THSD7A: variants seen among roughly 807,000 people sequenced by gnomAD.
THSD7A encodes thrombospondin type 1 domain containing 7A, also known as thrombospondin type-1 domain-containing protein 7A.
A neutral mutation model predicts 231.3 loss-of-function variants in THSD7A; 96 were observed. The observed-to-expected ratio is 0.41, with a 90% CI of 0.35 to 0.49. The LOEUF (loss-of-function observed/expected upper bound fraction) is 0.49, where lower values mean the gene tolerates loss of function less well. Among genes scored for constraint, THSD7A ranks in the 20% least tolerant of loss-of-function variants. The pLI, the probability that THSD7A is intolerant of heterozygous loss-of-function variation, is 0.05. For missense variants in THSD7A, 2,290 were observed against 2,070.2 expected (o/e 1.11, Z -2.06); for synonymous variants, 940 against 743.3 (o/e 1.26, Z -4.30).
In THSD7A at chr7:11,602,400, G is replaced by C. The variant is rs1780583865; in HGVS notation, c.1023-8898C>G. Among the ~76,000 whole-genome samples, 2 of 151,970 alleles carry C rather than the reference G, an allele frequency of 1.3e-5. 1 individual carries two copies. Among genetic ancestry groups the C allele is most frequent in the Admixed American group, 1.3e-4 (2 of 15,218 alleles). Reference sequence around the variant, plus strand: ...ATTAAGTAACTCTACTTAATACTGGGCTTCAGAAGTACAAAGATAAGATTA... The same window carrying C: ...ATTAAGTAACTCTACTTAATACTGGCCTTCAGAAGTACAAAGATAAGATTA... On this transcript the variant is annotated intron_variant, in intron 2 of 27. Coordinates refer to ENST00000423059, the MANE Select transcript of THSD7A (RefSeq NM_015204.3).
intron 1 of THSD7A, among the ~76,000 whole-genome samples, chr7:11,776,963 A>G (rs906825079): frequency 4.6e-5 from 7 of 152,130 alleles, no homozygotes; most frequent in Admixed American, 2.6e-4. Context: ...TTTAACATCA[A>G]CTGTAACCAT....
At chr7:11,522,358 A>G (rs1788302177) in intron 6 of THSD7A, among the ~76,000 whole-genome samples, 1 of 152,202 alleles carries the variant, frequency 6.6e-6, no homozygotes, top group Non-Finnish European at 1.5e-5. Flanking sequence ...AGTGGAAATC[A>G]ATATAACTTA....
rs746886582 is a variant in THSD7A, at chr7:11,424,721, C to T, written c.3358G>A (p.Glu1120Lys). 1 of 1,614,002 alleles carries T rather than the reference C, an allele frequency of 6.2e-7. No homozygotes were observed. Among genetic ancestry groups the T allele is most frequent in the Admixed American group, 1.7e-5 (1 of 60,032 alleles). Reference protein sequence around the residue: ...TFVNMRENCGEGVQTRKVRCM... With the variant: ...TFVNMRENCGKGVQTRKVRCM... ...CTCACTTTTCGGGTTTGCACGCCCTCTCCACAGTTCTCCCGCATATTCACA... is the reference window on the plus strand; with the variant it reads ...CTCACTTTTCGGGTTTGCACGCCCTTTCCACAGTTCTCCCGCATATTCACA... The change falls in exon 16 of 28, where the codon GAG becomes AAG. Residue 1120 changes from glutamate to lysine, a missense_variant. By Grantham distance (56) the Glu-to-Lys change is moderately conservative. Coordinates refer to ENST00000423059, the MANE Select transcript of THSD7A (RefSeq NM_015204.3).
intron 1 of THSD7A, among the ~76,000 whole-genome samples, chr7:11,655,563 G>C (rs1584156329): frequency 6.6e-6 from 1 of 151,912 alleles, no homozygotes; most frequent in South Asian, 2.1e-4. Flanking sequence ...TAGACATGTA[G>C]CTTTTCTGGG....
At chr7:11,773,300 G>A (rs1383032483) in intron 1 of THSD7A, among the ~76,000 whole-genome samples, 2 of 152,174 alleles carry the variant, frequency 1.3e-5, no homozygotes, top group Admixed American at 6.5e-5. Flanking sequence ...TTGGGAGGCC[G>A]AGGCGGGCAG....
chr7:11,769,153 A>ATATATATATATATTT, intron 1 of THSD7A, among the ~76,000 whole-genome samples: 8 of 27,646 alleles, frequency 2.9e-4, no homozygotes, highest in African/African-American at 6.2e-4. Flanking sequence ...ATATATATAT[A>ATATATATATATATTT]TTTTTTTTTT....
chr7:11,602,412 C>G (rs1490081485), intron 2 of THSD7A, among the ~76,000 whole-genome samples: 1 of 151,790 alleles, frequency 6.6e-6, no homozygotes, highest in Non-Finnish European at 1.5e-5. Flanking sequence ...TTCAGAAGTA[C>G]AAAGATAAGA....
rs572018555 is a variant in THSD7A, at chr7:11,713,424, C to T, written c.191-76463G>A. On this transcript the variant is annotated intron_variant, in intron 1 of 27. Transcript: ENST00000423059. ...AAAGATAAATTGACTCCTAATCTGT[C>T]TGTCATAAATAAGACTCCCTGCTCA... Among the ~76,000 whole-genome samples the T allele has an allele frequency of 1.5e-4, 23 of 151,314 alleles. No homozygotes were observed. The East Asian group carries it at 4.5e-3, about 30-fold the overall frequency.
chr7:11,703,641 G>T (rs1387965310), intron 1 of THSD7A, among the ~76,000 whole-genome samples: 1 of 151,160 alleles, frequency 6.6e-6, no homozygotes, highest in African/African-American at 2.4e-5. Context: ...ATACATTTTT[G>T]TTGAGAGAAT....
rs7811849 is a variant in THSD7A, at chr7:11,459,290, T to C, written c.2605+1372A>G. ...GTAAAAGAATGGAGACTAAAACTTA[T>C]GTTTCCTGATTCCCAAACTCATGCT... is the stretch of plus-strand genomic sequence containing the variant. On this transcript the variant is annotated intron_variant, in intron 11 of 27. Transcript: ENST00000423059. 1.6e-3 allele frequency among the ~76,000 whole-genome samples: 243 copies of C among 152,014 alleles called. 1 individual carries two copies. Among genetic ancestry groups the C allele is most frequent in the Non-Finnish European group, 2.1e-3 (141 of 67,970 alleles).
In THSD7A at chr7:11,708,203, ATGT is replaced by A. The variant is rs1397775608; in HGVS notation, c.191-71245_191-71243del. ...TAGAGAGAAGGTTTATATTTTAATAATGTTAAACTTTTATAATTATTCCTTTAA... is the reference window on the plus strand; with the variant it reads ...TAGAGAGAAGGTTTATATTTTAATAATAAACTTTTATAATTATTCCTTTAA... On this transcript the variant is annotated intron_variant, in intron 1 of 27. Transcript: ENST00000423059. 5.3e-5 allele frequency among the ~76,000 whole-genome samples: 8 copies of A among 150,950 alleles called. No homozygotes were observed. In the East Asian group the frequency reaches 1.6e-3, roughly 30 times the overall value.
At chr7:11,795,130 C>G (rs963129635) in intron 1 of THSD7A, among the ~76,000 whole-genome samples, 3 of 151,280 alleles carry the variant, frequency 2.0e-5, no homozygotes. Flanking sequence ...TGTCTTTAAC[C>G]GAGTTTTATA....
intron 1 of THSD7A, among the ~76,000 whole-genome samples, chr7:11,822,796 T>C (rs896333066): frequency 6.6e-6 from 1 of 152,072 alleles, no homozygotes; most frequent in Non-Finnish European, 1.5e-5. Flanking sequence ...ATTCAAGTTC[T>C]TCCAATATAT....
chr7:11,565,472 G>A (rs1053027484), intron 4 of THSD7A, among the ~76,000 whole-genome samples: 2 of 152,202 alleles, frequency 1.3e-5, no homozygotes, highest in Non-Finnish European at 2.9e-5. Context: ...GCAGGGCAAG[G>A]AACACAAGGT....
chr7:11,453,224 G>C (rs1419672079), intron 11 of THSD7A, among the ~76,000 whole-genome samples: 1 of 151,606 alleles, frequency 6.6e-6, no homozygotes, highest in Non-Finnish European at 1.5e-5. Context: ...AAGCATATTT[G>C]TTCACAAAAA....
chr7:11,574,703 T>C (rs1335868435), intron 4 of THSD7A, among the ~76,000 whole-genome samples: 2 of 152,000 alleles, frequency 1.3e-5, no homozygotes, highest in Admixed American at 6.6e-5. Context: ...CCCAAAGTGC[T>C]GGGATTACAG....
intron 6 of THSD7A, among the ~76,000 whole-genome samples, chr7:11,483,642 ACT>A (rs1786523029): frequency 6.6e-6 from 1 of 151,656 alleles, no homozygotes; most frequent in Non-Finnish European, 1.5e-5. Context: ...AATAATGATG[ACT>A]CTTTTTTCTA....
chr7:11,711,090 T>C (rs1284441912), intron 1 of THSD7A, among the ~76,000 whole-genome samples: 1 of 150,962 alleles, frequency 6.6e-6, no homozygotes, highest in Non-Finnish European at 1.5e-5. Flanking sequence ...GATAGTGTCT[T>C]CTTTTATTTT....
rs560837540 is a variant in THSD7A, at chr7:11,452,293, T to C, written c.2606-4869A>G. Among the ~76,000 whole-genome samples the C allele has an allele frequency of 6.6e-5, 10 of 152,104 alleles. No homozygotes were observed. The East Asian group carries it at 1.7e-3, about 27-fold the overall frequency. ...AGCTAGTTACCAAGAGACCTAATTG[T>C]GCTTAGAAATAAGATCAAACCTATA... On this transcript the variant is annotated intron_variant, in intron 11 of 27. Coordinates refer to ENST00000423059, the MANE Select transcript of THSD7A (RefSeq NM_015204.3).
Sources: gnomAD v4.1 joint callset for allele counts (sites outside exome capture counted in the v4.1 genomes callset) on GRCh38, gnomAD v4.1.1 for gene constraint, MANE v1.5 for transcripts, NCBI Gene and HGNC (gene_info 2026-07-23, HGNC 2026-07-21) for gene names.